The following XRCC6 variants were observed in gnomAD, a reference collection of about 807,000 sequenced individuals.
The protein encoded by XRCC6 is DNA repair protein Ku70.
A neutral mutation model predicts 65.7 loss-of-function variants in XRCC6; 5 were observed. The observed-to-expected ratio is 0.08, with a 90% CI of 0.04 to 0.16. The LOEUF is 0.16. Among genes scored for constraint, XRCC6 ranks in the 10% least tolerant of loss-of-function variants. The pLI, the probability that XRCC6 is intolerant of heterozygous loss-of-function variation, is 1.00. For missense variants in XRCC6, 447 were observed against 738.1 expected, an observed-to-expected ratio of 0.61 and a Z score of 4.57; for synonymous variants, 270 against 270.6, an observed-to-expected ratio of 1.00 and a Z score of 0.02.
intron 8 of XRCC6, among the ~76,000 whole-genome samples, chr22:41,652,502 C>T (rs1169516021): frequency 1.3e-5 from 2 of 150,830 alleles, no homozygotes; most frequent in African/African-American, 4.9e-5. Flanking sequence ...GCAACTGGGA[C>T]TACAGGTCCA....
chr22:41,641,319 A>T (rs1005486979), intron 6 of XRCC6, among the ~76,000 whole-genome samples: 4 of 152,110 alleles, frequency 2.6e-5, no homozygotes, highest in South Asian at 2.1e-4. Flanking sequence ...TTTTTAAAAA[A>T]TTTTTAATTT....
intron 7 of XRCC6, 125 bp downstream of exon 7, chr22:41,647,207 T>C (rs1196404508): frequency 1.1e-6 from 1 of 948,922 alleles, no homozygotes; most frequent in East Asian, 2.5e-5. Context: ...CAAGCGATCC[T>C]TCTGTCTCAG....
chr22:41,639,669 T>C (rs564104989), intron 6 of XRCC6, among the ~76,000 whole-genome samples: 2 of 121,794 alleles, frequency 1.6e-5, no homozygotes, highest in South Asian at 2.6e-4. Context: ...TTCTCTCTCT[T>C]TTTTTTTTTT....
intron 3 of XRCC6, among the ~76,000 whole-genome samples, chr22:41,631,537 G>A (rs1275148232): frequency 7.1e-6 from 1 of 141,248 alleles, no homozygotes; most frequent in African/African-American, 2.7e-5. Context: ...ACGGGGCGGC[G>A]GGGCAAAGGC....
chr22:41,630,606 G>T (rs2067730799), intron 3 of XRCC6, among the ~76,000 whole-genome samples: 1 of 151,344 alleles, frequency 6.6e-6, no homozygotes. Flanking sequence ...ATAAACAAGT[G>T]AACAAAGGTC....
In XRCC6 at chr22:41,656,114, C is replaced by T. The variant is rs933102788; in HGVS notation, c.1292-789C>T. Among the ~76,000 whole-genome samples, 3 of 150,958 alleles carry T rather than the reference C, an allele frequency of 2.0e-5. No individual in the cohort carries two copies. In the Admixed American group the frequency reaches 2.0e-4, roughly 10 times the overall value. On this transcript the variant is annotated intron_variant, in intron 9 of 12. Coordinates refer to ENST00000360079, the MANE Select transcript of XRCC6 (RefSeq NM_001469.5). The stretch of plus-strand genomic sequence containing the variant: ...AAGTGTGGTGGCATTCACTTGTAGT[C>T]CCAGCTACTTGATAGGCTACTTGAG...
intron 3 of XRCC6, among the ~76,000 whole-genome samples, chr22:41,630,877 C>T (rs1289065532): frequency 2.6e-5 from 4 of 152,202 alleles, no homozygotes; most frequent in Non-Finnish European, 5.9e-5. Flanking sequence ...CACACAGACA[C>T]GGCAACCATC....
chr22:41,642,706 A>G (rs1392729394), intron 6 of XRCC6, among the ~76,000 whole-genome samples: 1 of 152,256 alleles, frequency 6.6e-6, no homozygotes, highest in Non-Finnish European at 1.5e-5. Context: ...GTAGCAATCT[A>G]TAGAGTGAGA....
At position 41,663,865 on chromosome 22, in the gene XRCC6, G is replaced by T. The variant is rs1451995916; in HGVS notation, c.*50G>T. On this transcript the variant is annotated 3_prime_UTR_variant, in exon 13 of 13. Coordinates refer to ENST00000360079, the MANE Select transcript of XRCC6 (RefSeq NM_001469.5). ...CTTCCGCAGTGTGGCCAGGCTGCCTGGCCTTGTCCTCAGCCAGTTAAAATG... is the reference window on the plus strand; with the variant it reads ...CTTCCGCAGTGTGGCCAGGCTGCCTTGCCTTGTCCTCAGCCAGTTAAAATG... 1.9e-6 allele frequency: 3 copies of T among 1,579,808 alleles called. No individual in the cohort carries two copies. The highest frequency in any genetic ancestry group is 2.7e-5 in the African/African-American group (2 of 74,048).
At position 41,637,749 on chromosome 22, in the gene XRCC6, G is replaced by A. The variant is rs1193473163; in HGVS notation, c.731G>A (p.Arg244Gln). ...TCCAGCAAGCTAGAAGACCTGTTGC[G>A]GAAGGTTCGCGCCAAGGAGACCAGG... ...EESSKLEDLL[R>Q]KVRAKETRKR... Residue 244 changes from arginine (R) to glutamine (Q), a missense_variant, in exon 6 of 13, where the codon CGG becomes CAG. Transcript: ENST00000360079. 6.2e-7 allele frequency: 1 copy of A among 1,613,912 alleles called. No homozygotes were observed. The highest frequency in any genetic ancestry group is 8.5e-7 in the Non-Finnish European group (1 of 1,179,984).
intron 2 of XRCC6, among the ~76,000 whole-genome samples, chr22:41,622,945 G>GA (rs536296349): frequency 0.016 from 2,145 of 133,234 alleles, 37 homozygotes; most frequent in Admixed American, 0.063. Flanking sequence ...ACTCTCTCAG[G>GA]AAAAAAAAAA....
intron 6 of XRCC6, among the ~76,000 whole-genome samples, chr22:41,643,198 C>T (rs561119019): frequency 2.0e-5 from 3 of 151,198 alleles, no homozygotes; most frequent in South Asian, 4.2e-4. Context: ...ATCATGAGGT[C>T]AGGAGTTCGA....
intron 3 of XRCC6, among the ~76,000 whole-genome samples, chr22:41,629,804 G>A (rs759250832): frequency 2.6e-5 from 4 of 151,802 alleles, no homozygotes; most frequent in Non-Finnish European, 5.9e-5. Context: ...AGAGTAGCTG[G>A]GACTACAGGC....
chr22:41,631,504 C>T (rs1457169105), intron 3 of XRCC6, among the ~76,000 whole-genome samples: 1 of 148,866 alleles, frequency 6.7e-6, no homozygotes, highest in African/African-American at 2.5e-5. Context: ...CACGGCTGGG[C>T]AGAGGCGCTC....
intron 1 of XRCC6, 170 bp from the exon 2 acceptor site, chr22:41,621,820 C>G: frequency 1.6e-6 from 1 of 608,902 alleles, no homozygotes; most frequent in Non-Finnish European, 2.9e-6. Context: ...GGGATGGCCC[C>G]CATGCGCATT....
At chr22:41,645,698 C>CTTT (rs909409152) in intron 6 of XRCC6, among the ~76,000 whole-genome samples, 5 of 135,078 alleles carry the variant, frequency 3.7e-5, no homozygotes, top group African/African-American at 8.1e-5. Flanking sequence ...ATTCTTTCTT[C>CTTT]TTTTTTTTTT....
At chr22:41,647,793 G>A (rs962608555) in intron 7 of XRCC6, among the ~76,000 whole-genome samples, 13 of 151,920 alleles carry the variant, frequency 8.6e-5, no homozygotes, top group African/African-American at 2.7e-4. Flanking sequence ...GGCTGGCCTC[G>A]AACTCCTAGG....
chr22:41,630,402 G>C (rs1336539075), intron 3 of XRCC6, among the ~76,000 whole-genome samples: 1 of 151,756 alleles, frequency 6.6e-6, no homozygotes, highest in East Asian at 1.9e-4. Flanking sequence ...GTGCCACTAT[G>C]CCTGGCACAT....
At chr22:41,634,819 A>G (rs533358679) in intron 3 of XRCC6, among the ~76,000 whole-genome samples, 18 of 152,264 alleles carry the variant, frequency 1.2e-4, no homozygotes, top group African/African-American at 4.3e-4. Context: ...CTGGGATTAT[A>G]GGCATGAGCC....
Sources: allele counts gnomAD v4.1 joint callset (sites outside exome capture counted in the v4.1 genomes callset), GRCh38; gene constraint gnomAD v4.1.1; transcripts MANE v1.5; gene names NCBI Gene and HGNC (gene_info 2026-07-23, HGNC 2026-07-21).